Variants in FXR1 observed in about 807,000 individuals in gnomAD.
FXR1 encodes FMR1 autosomal homolog 1.
FXR1 carries 15 observed loss-of-function variants against 84.0 expected under a neutral mutation model. That is an observed-to-expected ratio of 0.18 (90% CI 0.12 to 0.27). The LOEUF is 0.27. Among genes scored for constraint, FXR1 ranks in the 10% least tolerant of loss-of-function variants. FXR1 has a pLI of 1.00. For missense variants in FXR1, 480 were observed against 774.4 expected, an observed-to-expected ratio of 0.62 and a Z score of 4.51; for synonymous variants, 245 against 250.7, an observed-to-expected ratio of 0.98 and a Z score of 0.21.
At chr3:180,936,841 T>G (rs1251833976) in intron 3 of FXR1, among the ~76,000 whole-genome samples, 2 of 152,208 alleles carry the variant, frequency 1.3e-5, no homozygotes, top group Non-Finnish European at 2.9e-5. Flanking sequence ...GGCAGAATTT[T>G]TAAATGGCAG....
At chr3:180,945,447 C>G (rs1231521743) in intron 3 of FXR1, among the ~76,000 whole-genome samples, 1 of 152,158 alleles carries the variant, frequency 6.6e-6, no homozygotes, top group Non-Finnish European at 1.5e-5. Flanking sequence ...TTCTGTCACC[C>G]AGGGTTGAGT....
Position 180,975,325 on chromosome 3 carries a change from A to G in FXR1, c.1616A>G (p.Asp539Gly). ...VNENGLVTVA[D>G]YISRAESQSR... ...TCATCTTTAACAGTCACAGTTGCAG[A>G]TTATATTTCTAGAGCTGAGTCTCAG... is the stretch of plus-strand genomic sequence containing the variant. The change falls in exon 16 of 17, where the codon GAT becomes GGT. Residue 539 changes from aspartate to glycine, a missense_variant. Around this residue, in one of 6 missense-constraint regions of FXR1, gnomAD observed 157 missense variants for 227.8 expected, o/e 0.69. Transcript: ENST00000357559. The G allele has an allele frequency of 6.9e-7, 1 of 1,458,982 alleles. No homozygotes were observed. The highest frequency in any genetic ancestry group is 9.4e-7 in the Non-Finnish European group (1 of 1,062,948). The allele number at this position is 1,458,982 out of a possible 1,614,324, so 90.4% of individuals were successfully genotyped here.
At position 180,976,421 on chromosome 3, in the gene FXR1, A is replaced by G. The variant is rs553561304; in HGVS notation, c.*129A>G. On this transcript the variant is annotated 3_prime_UTR_variant, in exon 17 of 17. Coordinates refer to ENST00000357559, the MANE Select transcript of FXR1 (RefSeq NM_005087.4). ...CTTTCAGTTCCTCCATTTGGAATTC[A>G]AAAAGGGGAGGGATCCTGAAGAAAT... 2 of 599,798 alleles carry G rather than the reference A, an allele frequency of 3.3e-6. No homozygotes were observed. The highest frequency in any genetic ancestry group is 5.3e-5 in the South Asian group (2 of 37,752). The allele number at this position is 599,798 out of a possible 1,614,324, so 37.2% of individuals were successfully genotyped here.
rs1214662804 is a variant in FXR1, at chr3:180,954,075, C to T, written c.880+235C>T. On this transcript the variant is annotated intron_variant, in intron 9 of 16. Coordinates refer to ENST00000357559, the MANE Select transcript of FXR1 (RefSeq NM_005087.4). ...GTACAGGATGACTCACTAATAAGGC[C>T]CAGGGTTTTTATAAGTTTGTCATTA... 1.1e-5 allele frequency: 4 copies of T among 355,032 alleles called. No homozygotes were observed. In the East Asian group the frequency reaches 1.9e-4, roughly 17 times the overall value. 22.0% of individuals were successfully genotyped at this position (355,032 alleles called of 1,614,324 possible). A position where few individuals can be genotyped will look rare whatever the true frequency, so the allele number is the denominator to read the frequency against.
intron 15 of FXR1, among the ~76,000 whole-genome samples, chr3:180,974,645 G>A (rs1713998249): frequency 6.6e-6 from 1 of 152,118 alleles, no homozygotes; most frequent in African/African-American, 2.4e-5. Context: ...CAAAGGGGGT[G>A]TGGGAGGGGT....
At chr3:180,921,441 T>C (rs371028743) in intron 1 of FXR1, among the ~76,000 whole-genome samples, 3 of 152,170 alleles carry the variant, frequency 2.0e-5, no homozygotes, top group South Asian at 2.1e-4. Flanking sequence ...TGCAGACTTT[T>C]TGAATTTGTG....
intron 2 of FXR1, among the ~76,000 whole-genome samples, chr3:180,934,611 G>C (rs991196209): frequency 6.6e-6 from 1 of 152,128 alleles, no homozygotes; most frequent in African/African-American, 2.4e-5. Context: ...TTGTAATTCA[G>C]CTATTCAAAA....
intron 11 of FXR1, 84 bp from the exon 12 acceptor site, chr3:180,962,799 T>C (rs1298000472): frequency 1.2e-6 from 1 of 856,842 alleles, no homozygotes; most frequent in Non-Finnish European, 1.9e-6. Context: ...ACAGCTTTGA[T>C]AGGGAGTACA....
intron 3 of FXR1, among the ~76,000 whole-genome samples, chr3:180,940,595 T>TTTTTTTTTTTG (rs1559991904): frequency 6.6e-6 from 1 of 151,950 alleles, no homozygotes; most frequent in African/African-American, 2.4e-5. Context: ...CTTTTTTTTT[T>TTTTTTTTTTTG]GGAGATGGAG....
chr3:180,960,075 T>A (rs1711899717), intron 10 of FXR1, among the ~76,000 whole-genome samples: 1 of 152,142 alleles, frequency 6.6e-6, no homozygotes, highest in Non-Finnish European at 1.5e-5. Flanking sequence ...TTCTCAGCCA[T>A]TAAGAAGCTG....
chr3:180,970,268 C>T lies in FXR1; in HGVS notation c.1513C>T (p.Arg505Trp). 4 of 1,601,358 alleles carry T rather than the reference C, an allele frequency of 2.5e-6. No individual in the cohort carries two copies. The highest frequency in any genetic ancestry group is 3.4e-6 in the Non-Finnish European group (4 of 1,168,974). ...TCATCACAGTACTAACCGTCGTAGG[C>T]GGTCTCGTAGACGAAGGACTGATGA... The part of the protein sequence containing the change: ...ESHHSTNRRR[R>W]SRRRRTDEDA... The change falls in exon 15 of 17, where the codon CGG (arginine) becomes TGG (tryptophan). Residue 505 changes from arginine to tryptophan, a missense_variant. By Grantham distance (101) the Arg-to-Trp change is moderately radical. This residue lies in a region of FXR1 where 157 missense variants were observed against 227.8 expected (regional missense o/e 0.69). Coordinates refer to ENST00000357559, the MANE Select transcript of FXR1 (RefSeq NM_005087.4).
At chr3:180,919,076 G>A (rs1445174867) in intron 1 of FXR1, among the ~76,000 whole-genome samples, 2 of 152,100 alleles carry the variant, frequency 1.3e-5, no homozygotes, top group Non-Finnish European at 2.9e-5. Flanking sequence ...AGAATTATGA[G>A]GAATAAATTG....
intron 1 of FXR1, among the ~76,000 whole-genome samples, chr3:180,932,291 A>T (rs1020670646): frequency 1.3e-5 from 2 of 152,110 alleles, no homozygotes; most frequent in Non-Finnish European, 2.9e-5. Context: ...TATGGAGTCT[A>T]GTGTGATAAA....
intron 14 of FXR1, among the ~76,000 whole-genome samples, chr3:180,968,691 A>G (rs1713155063): frequency 6.6e-6 from 1 of 152,228 alleles, no homozygotes; most frequent in Non-Finnish European, 1.5e-5. Flanking sequence ...ACTATGTAGT[A>G]CTTTGGGAAC....
rs1311017360 is a variant in FXR1, at chr3:180,970,450, CTT to C, written c.1603+97_1603+98del. ...TGTAAACTATTGTTAGTATATGAAGCTTTTTTCAAAGAAATATGCAATTCACA... is the reference window on the plus strand; with the variant it reads ...TGTAAACTATTGTTAGTATATGAAGCTTTTCAAAGAAATATGCAATTCACA... On this transcript the variant is annotated intron_variant, in intron 15 of 16. Transcript: ENST00000357559. The C allele has an allele frequency of 1.4e-4, 32 of 233,098 alleles. 1 individual carries two copies. The highest frequency in any genetic ancestry group is 7.4e-4 in the African/African-American group (28 of 37,892). The allele number at this position is 233,098 out of a possible 1,614,324, so 14.4% of individuals were successfully genotyped here.
chr3:180,932,414 T>C (rs964403768), intron 1 of FXR1, among the ~76,000 whole-genome samples: 5 of 152,226 alleles, frequency 3.3e-5, no homozygotes, highest in African/African-American at 1.2e-4. Context: ...AGTCATTTAA[T>C]GTTAATTGTA....
At chr3:180,919,131 C>T (rs777394783) in intron 1 of FXR1, among the ~76,000 whole-genome samples, 2 of 152,038 alleles carry the variant, frequency 1.3e-5, no homozygotes, top group Non-Finnish European at 2.9e-5. Flanking sequence ...TTGCTTTAGA[C>T]AAATCTGCTT....
At chr3:180,934,161 C>T (rs1366679465) in intron 2 of FXR1, among the ~76,000 whole-genome samples, 1 of 152,154 alleles carries the variant, frequency 6.6e-6, no homozygotes, top group Non-Finnish European at 1.5e-5. Context: ...GTTCAGCTTC[C>T]ACTTTTAAGC....
intron 1 of FXR1, among the ~76,000 whole-genome samples, chr3:180,930,903 G>T (rs987443427): frequency 2.6e-5 from 4 of 151,274 alleles, no homozygotes; most frequent in Non-Finnish European, 4.4e-5. Flanking sequence ...TGGGTGTGGT[G>T]GTGTAGTCCC....
Sources: allele counts gnomAD v4.1 joint callset (sites outside exome capture counted in the v4.1 genomes callset), GRCh38; gene constraint gnomAD v4.1.1; regional missense constraint gnomAD v4.1.1; transcripts MANE v1.5; gene names NCBI Gene and HGNC (gene_info 2026-07-23, HGNC 2026-07-21).